Variants in AGK observed in about 807,000 individuals in gnomAD.
The protein encoded by AGK is acylglycerol kinase, also known as acylglycerol kinase, mitochondrial.
Under a neutral mutation model 66.4 loss-of-function variants are expected in AGK, and 52 were observed. The observed-to-expected ratio is 0.78, with a 90% CI of 0.63 to 0.99. AGK has a LOEUF of 0.99. Ranked by LOEUF, AGK falls within the 50% of genes least tolerant of loss-of-function variation. AGK has a pLI of 0.00. For synonymous variants in AGK, 182 were observed against 181.1 expected (o/e 1.00, Z -0.04); for missense variants, 451 against 506.6 (o/e 0.89, Z 1.05).
intron 9 of AGK, among the ~76,000 whole-genome samples, chr7:141,631,478 A>ACTTATACTTAAAATCACT: frequency 6.6e-6 from 1 of 152,230 alleles, no homozygotes; most frequent in Non-Finnish European, 1.5e-5. Flanking sequence ...TTATACTTTG[A>ACTTATACTTAAAATCACT]TAAAATCATC....
chr7:141,648,174 T>C (rs1264738050), intron 13 of AGK, among the ~76,000 whole-genome samples: 2 of 152,190 alleles, frequency 1.3e-5, no homozygotes, highest in South Asian at 2.1e-4. Flanking sequence ...CGCCACCTCA[T>C]GTTCCTTGCT....
intron 4 of AGK, among the ~76,000 whole-genome samples, chr7:141,599,864 T>G (rs1796305535): frequency 6.6e-6 from 1 of 152,212 alleles, no homozygotes. Flanking sequence ...TATAATACAC[T>G]CAGGCCCTTG....
intron 5 of AGK, among the ~76,000 whole-genome samples, chr7:141,607,570 T>C (rs1796492275): frequency 6.6e-6 from 1 of 152,188 alleles, no homozygotes; most frequent in Admixed American, 6.5e-5. Flanking sequence ...ATATATTCTT[T>C]CTCAGGCTGT....
chr7:141,556,618 T>C (rs887885770), intron 2 of AGK, among the ~76,000 whole-genome samples: 1 of 152,004 alleles, frequency 6.6e-6, no homozygotes, highest in African/African-American at 2.4e-5. Flanking sequence ...TTCTTTAGCT[T>C]AGTGATTTTG....
At chr7:141,647,295 G>T (rs1467871951) in intron 13 of AGK, among the ~76,000 whole-genome samples, 1 of 152,108 alleles carries the variant, frequency 6.6e-6, no homozygotes, top group Non-Finnish European at 1.5e-5. Context: ...ACCCTCCAGT[G>T]GCTCTCTGAT....
chr7:141,596,512 T>A (rs190714973), intron 3 of AGK, 50 bp from the exon 4 acceptor site: 1 of 1,524,816 alleles, frequency 6.6e-7, no homozygotes, highest in Non-Finnish European at 9.1e-7. Flanking sequence ...CATGTGACAT[T>A]TACCAAATAA....
chr7:141,581,055 A>G (rs1795871599), intron 2 of AGK, among the ~76,000 whole-genome samples: 1 of 151,908 alleles, frequency 6.6e-6, no homozygotes, highest in Non-Finnish European at 1.5e-5. Flanking sequence ...TGTTTTGTAG[A>G]AGGGGTTGGG....
chr7:141,646,647 T>TTTTTTACA (rs1304767001), intron 13 of AGK, among the ~76,000 whole-genome samples: 1 of 152,196 alleles, frequency 6.6e-6, no homozygotes, highest in African/African-American at 2.4e-5. Context: ...GCTAACAATA[T>TTTTTTACA]TTTTTACATT....
chr7:141,624,325 T>C (rs941076960), intron 9 of AGK, among the ~76,000 whole-genome samples: 2 of 152,142 alleles, frequency 1.3e-5, no homozygotes, highest in Non-Finnish European at 2.9e-5. Flanking sequence ...AAAAAAACTT[T>C]GTAAAAAAAT....
intron 13 of AGK, among the ~76,000 whole-genome samples, chr7:141,642,650 T>TA (rs1797315738): frequency 6.6e-6 from 1 of 152,224 alleles, no homozygotes; most frequent in South Asian, 2.1e-4. Context: ...TGTTTTTATA[T>TA]AGCCCAGAAG....
chr7:141,619,314 CA>C (rs1407779261), intron 8 of AGK, among the ~76,000 whole-genome samples: 5 of 152,048 alleles, frequency 3.3e-5, no homozygotes, highest in African/African-American at 1.2e-4. Context: ...CTACAGTGAT[CA>C]AAACAGTGTG....
At chr7:141,603,822 G>A (rs1037868456) in intron 5 of AGK, among the ~76,000 whole-genome samples, 2 of 152,042 alleles carry the variant, frequency 1.3e-5, no homozygotes, top group African/African-American at 2.4e-5. Context: ...ATGGTAGCTC[G>A]GTTCCCTGAA....
At chr7:141,651,714 G>A (rs1797564309) in intron 15 of AGK, 105 bp downstream of exon 15, 2 of 1,072,440 alleles carry the variant, frequency 1.9e-6, no homozygotes, top group South Asian at 1.3e-5. Flanking sequence ...CCTAGACTTA[G>A]GCACATATTG....
chr7:141,637,038 A>G, intron 11 of AGK, 21 bp downstream of exon 11: 1 of 1,602,800 alleles, frequency 6.2e-7, no homozygotes. Flanking sequence ...TTTACAGTGT[A>G]GAAATTTGCT....
At chr7:141,639,589 A>G (rs1032359449) in intron 11 of AGK, among the ~76,000 whole-genome samples, 11 of 152,234 alleles carry the variant, frequency 7.2e-5, no homozygotes, top group South Asian at 4.1e-4. Context: ...GATTAGAGAA[A>G]GTTAAGGTAT....
Position 141,653,197 on chromosome 7 carries a change from ACTTT to A in AGK, c.*277_*280del. On this transcript the variant is annotated 3_prime_UTR_variant, in exon 16 of 16. Transcript: ENST00000649286. ...TCAGGCTGGTTCAAGACGGAAAAGGACTTTCTTCTGTTTTCTTCCAAAGTGCAAC... is the reference window on the plus strand; with the variant it reads ...TCAGGCTGGTTCAAGACGGAAAAGGACTTCTGTTTTCTTCCAAAGTGCAAC... The A allele has an allele frequency of 2.7e-6, 1 of 373,312 alleles. No individual in the cohort carries two copies. Among genetic ancestry groups the A allele is most frequent in the Non-Finnish European group, 5.0e-6 (1 of 199,354 alleles). 23.1% of individuals were successfully genotyped at this position (373,312 alleles called of 1,614,324 possible).
chr7:141,576,396 G>A (rs985307987), intron 2 of AGK, among the ~76,000 whole-genome samples: 50 of 151,620 alleles, frequency 3.3e-4, no homozygotes, highest in Admixed American at 2.9e-3. Flanking sequence ...AGCTAATTCC[G>A]ATCTGCTATT....
intron 4 of AGK, chr7:141,599,033 C>G (rs1587111203): frequency 1.3e-5 from 2 of 152,222 alleles, no homozygotes; most frequent in East Asian, 3.9e-4. Context: ...GAAGGAAAGT[C>G]TTTTCTAAAG....
At chr7:141,579,562 G>A (rs575265727) in intron 2 of AGK, among the ~76,000 whole-genome samples, 3 of 152,038 alleles carry the variant, frequency 2.0e-5, no homozygotes, top group African/African-American at 7.3e-5. Context: ...ATGTGAGTAA[G>A]GTTAATTTGC....
Sources: gnomAD v4.1 joint callset for allele counts (sites outside exome capture counted in the v4.1 genomes callset) on GRCh38, gnomAD v4.1.1 for gene constraint, MANE v1.5 for transcripts, NCBI Gene and HGNC (gene_info 2026-07-23, HGNC 2026-07-21) for gene names.